THSD7B: variants seen among roughly 807,000 people sequenced by gnomAD.
The protein encoded by THSD7B is thrombospondin type 1 domain containing 7B.
A neutral mutation model predicts 213.6 loss-of-function variants in THSD7B; 138 were observed. The ratio of observed to expected loss-of-function variants is 0.65; its 90% CI spans 0.56 to 0.74. THSD7B has a LOEUF of 0.74. Ranked by LOEUF, THSD7B falls within the 30% of genes least tolerant of loss-of-function variation. The pLI is 0.00. For synonymous variants in THSD7B, 742 were observed against 687.0 expected, an observed-to-expected ratio of 1.08 and a Z score of -1.25; for missense variants, 1,931 against 1,991.5, an observed-to-expected ratio of 0.97 and a Z score of 0.58.
chr2:137,639,248 G>A (rs930664227), intron 20 of THSD7B, among the ~76,000 whole-genome samples: 1 of 152,172 alleles, frequency 6.6e-6, no homozygotes, highest in African/African-American at 2.4e-5. Context: ...GGGCCAACAT[G>A]AAGCTCGGGC....
chr2:137,140,513 CCG>C (rs1406202646), intron 5 of THSD7B, among the ~76,000 whole-genome samples: 1 of 151,932 alleles, frequency 6.6e-6, no homozygotes, highest in Non-Finnish European at 1.5e-5. Context: ...TCCAAAAATT[CCG>C]TGTCATTTAA....
intron 17 of THSD7B, among the ~76,000 whole-genome samples, chr2:137,588,400 A>T (rs1478186669): frequency 6.6e-6 from 1 of 152,112 alleles, no homozygotes; most frequent in African/African-American, 2.4e-5. Flanking sequence ...TTGGAAATGC[A>T]GAAATCACCT....
intron 17 of THSD7B, among the ~76,000 whole-genome samples, chr2:137,614,895 T>A (rs1012543933): frequency 3.3e-5 from 5 of 152,170 alleles, no homozygotes; most frequent in Non-Finnish European, 5.9e-5. Flanking sequence ...ACAGGTTTTG[T>A]TCTTTACTAC....
intron 12 of THSD7B, among the ~76,000 whole-genome samples, chr2:137,342,250 T>G (rs1391467156): frequency 1.3e-5 from 2 of 151,662 alleles, no homozygotes; most frequent in Non-Finnish European, 3.0e-5. Context: ...AATTTATTTA[T>G]TTTTTGTAGC....
At chr2:137,110,227 T>C (rs1188556877) in intron 4 of THSD7B, among the ~76,000 whole-genome samples, 1 of 152,170 alleles carries the variant, frequency 6.6e-6, no homozygotes, top group African/African-American at 2.4e-5. Context: ...GGGCTTTCTG[T>C]CTCTCACTGC....
chr2:137,546,507 A>G (rs1366891159), intron 15 of THSD7B, among the ~76,000 whole-genome samples: 7 of 98,604 alleles, frequency 7.1e-5, no homozygotes, highest in African/African-American at 2.8e-4. Flanking sequence ...TAACATACCT[A>G]TTGAGCACAG....
At chr2:137,205,933 T>G (rs1402196149) in intron 7 of THSD7B, among the ~76,000 whole-genome samples, 1 of 152,086 alleles carries the variant, frequency 6.6e-6, no homozygotes, top group Non-Finnish European at 1.5e-5. Context: ...AACATATTTT[T>G]ACATATTAAT....
intron 2 of THSD7B, among the ~76,000 whole-genome samples, chr2:136,945,474 C>A (rs560496073): frequency 3.9e-4 from 60 of 152,088 alleles, no homozygotes; most frequent in Non-Finnish European, 7.4e-4. Flanking sequence ...TGAGGAGTAT[C>A]TTTGTGGTAT....
chr2:136,878,190 A>G (rs1188956369), intron 1 of THSD7B, among the ~76,000 whole-genome samples: 2 of 152,074 alleles, frequency 1.3e-5, no homozygotes, highest in Admixed American at 6.6e-5. Flanking sequence ...TTGTCCTTGC[A>G]ATAGTTTGCT....
At chr2:137,078,929 A>C (rs1463340314) in intron 3 of THSD7B, among the ~76,000 whole-genome samples, 1 of 152,090 alleles carries the variant, frequency 6.6e-6, no homozygotes, top group African/African-American at 2.4e-5. Context: ...TTTCATTTTT[A>C]AATTCTGGTT....
intron 8 of THSD7B, 24 bp from the exon 9 acceptor site, chr2:137,232,875 A>G (rs772203506): frequency 1.9e-6 from 3 of 1,607,128 alleles, no homozygotes; most frequent in African/African-American, 1.3e-5. Context: ...ACTATGTATT[A>G]CCTTTTGTTC....
intron 7 of THSD7B, among the ~76,000 whole-genome samples, chr2:137,184,827 G>A (rs1004030494): frequency 2.6e-5 from 4 of 152,152 alleles, no homozygotes; most frequent in Admixed American, 2.6e-4. Context: ...GCATAGATGG[G>A]CCAAAACTAA....
At position 136,868,124 on chromosome 2, in the gene THSD7B, A is replaced by G. The variant is rs534485640; in HGVS notation, c.-35-14020A>G. Among the ~76,000 whole-genome samples, 734 of 150,178 alleles carry G rather than the reference A, an allele frequency of 4.9e-3. 6 individuals carry two copies. The highest frequency in any genetic ancestry group is 0.017 in the African/African-American group (687 of 40,000). ...ACCACACACACACACGCGCGCGCAC[A>G]CACACACACACACACACATCCTTGA... On this transcript the variant is annotated intron_variant, in intron 1 of 27. Transcript: ENST00000409968.
chr2:137,083,541 G>T (rs1400851502), intron 3 of THSD7B, among the ~76,000 whole-genome samples: 1 of 151,978 alleles, frequency 6.6e-6, no homozygotes, highest in African/African-American at 2.4e-5. Flanking sequence ...TCTTCAAGTT[G>T]TTCTAATTTT....
intron 10 of THSD7B, among the ~76,000 whole-genome samples, chr2:137,252,751 G>C (rs1682215511): frequency 6.6e-6 from 1 of 152,134 alleles, no homozygotes; most frequent in Non-Finnish European, 1.5e-5. Flanking sequence ...GAGAGGGCTT[G>C]TGGTGTTCCA....
chr2:137,399,048 A>G (rs1686283669), intron 12 of THSD7B, among the ~76,000 whole-genome samples: 1 of 151,694 alleles, frequency 6.6e-6, no homozygotes, highest in African/African-American at 2.4e-5. Flanking sequence ...GCACCCACTG[A>G]CCTGCGCCCA....
intron 2 of THSD7B, among the ~76,000 whole-genome samples, chr2:137,033,962 C>T (rs1426710199): frequency 6.8e-6 from 1 of 147,650 alleles, no homozygotes; most frequent in Non-Finnish European, 1.5e-5. Flanking sequence ...CCACAACAGG[C>T]CCCAGTTTAT....
At chr2:137,262,490 C>A (rs1054232198) in intron 10 of THSD7B, among the ~76,000 whole-genome samples, 1 of 151,910 alleles carries the variant, frequency 6.6e-6, no homozygotes, top group African/African-American at 2.4e-5. Context: ...CATTTCATAA[C>A]ACATAACACA....
intron 12 of THSD7B, among the ~76,000 whole-genome samples, chr2:137,303,730 A>ATATATATATATT (rs1683670052): frequency 2.4e-5 from 3 of 126,686 alleles, no homozygotes; most frequent in African/African-American, 9.8e-5. Flanking sequence ...ATATATATTT[A>ATATATATATATT]TATATATATT....
Sources: allele counts gnomAD v4.1 joint callset (sites outside exome capture counted in the v4.1 genomes callset), GRCh38; gene constraint gnomAD v4.1.1; transcripts MANE v1.5; gene names NCBI Gene and HGNC (gene_info 2026-07-23, HGNC 2026-07-21).